ATP8A1: variants seen among roughly 807,000 people sequenced by gnomAD.
ATP8A1 encodes the protein phospholipid-transporting ATPase IA.
A neutral mutation model predicts 177.7 loss-of-function variants in ATP8A1; 90 were observed. The ratio of observed to expected loss-of-function variants is 0.51; its 90% CI spans 0.43 to 0.60. The LOEUF (loss-of-function observed/expected upper bound fraction) is 0.60, where lower values mean the gene tolerates loss of function less well. Among genes scored for constraint, ATP8A1 ranks in the 20% least tolerant of loss-of-function variants. The pLI is 0.00. For missense variants in ATP8A1, 1,072 were observed against 1,392.8 expected, an observed-to-expected ratio of 0.77 and a Z score of 3.67; for synonymous variants, 493 against 485.9, an observed-to-expected ratio of 1.01 and a Z score of -0.19.
chr4:42,615,700 G>T (rs1736836598), intron 5 of ATP8A1, among the ~76,000 whole-genome samples: 1 of 152,100 alleles, frequency 6.6e-6, no homozygotes, highest in Non-Finnish European at 1.5e-5. Context: ...ATCTTTTCTA[G>T]AATAACATCT....
chr4:42,490,496 C>G (rs1722635512), intron 24 of ATP8A1, among the ~76,000 whole-genome samples: 1 of 152,176 alleles, frequency 6.6e-6, no homozygotes, highest in Admixed American at 6.5e-5. Flanking sequence ...GCCCCTGTCA[C>G]TTCGGCAAAC....
chr4:42,431,501 G>GC (rs35687332), intron 33 of ATP8A1, among the ~76,000 whole-genome samples: 92,059 of 151,858 alleles, frequency 0.61, 28,115 homozygotes, highest in Middle Eastern at 0.72. Flanking sequence ...CACATAACTG[G>GC]TAAGGTTTCT....
At chr4:42,581,490 T>C in intron 10 of ATP8A1, 131 bp downstream of exon 10, 1 of 704,586 alleles carries the variant, frequency 1.4e-6, no homozygotes, top group Non-Finnish European at 2.5e-6. Context: ...TACCAGATTC[T>C]GAACATATAG....
At chr4:42,571,114 G>A (rs929456124) in intron 14 of ATP8A1, among the ~76,000 whole-genome samples, 1 of 152,142 alleles carries the variant, frequency 6.6e-6, no homozygotes, top group Admixed American at 6.5e-5. Context: ...ACAAGTCATG[G>A]TGAGCAGTAA....
chr4:42,502,226 C>T (rs1200458667), intron 24 of ATP8A1, among the ~76,000 whole-genome samples: 1 of 152,106 alleles, frequency 6.6e-6, no homozygotes, highest in Admixed American at 6.5e-5. Flanking sequence ...CTTGAGACTC[C>T]TACCAATGTT....
chr4:42,652,318 C>T (rs1161735479), intron 1 of ATP8A1, among the ~76,000 whole-genome samples: 1 of 152,078 alleles, frequency 6.6e-6, no homozygotes, highest in East Asian at 1.9e-4. Flanking sequence ...ATGCGAATCC[C>T]CAAGCCCACC....
At chr4:42,569,133 A>G (rs374479951) in intron 15 of ATP8A1, 28 bp downstream of exon 15, 7 of 1,560,014 alleles carry the variant, frequency 4.5e-6, no homozygotes, top group Non-Finnish European at 5.2e-6. Context: ...ATAGGGATCA[A>G]TGAGGCAGAA....
At chr4:42,583,377 A>G (rs1733303706) in intron 9 of ATP8A1, among the ~76,000 whole-genome samples, 1 of 152,210 alleles carries the variant, frequency 6.6e-6, no homozygotes, top group Admixed American at 6.5e-5. Context: ...GGTGCATTTC[A>G]GAGTTGAAAG....
rs78054239 is a variant in ATP8A1 at position 42,472,292 on chromosome 4, T to A, written c.2325-7216A>T. Reference sequence around the variant, plus strand: ...TTGGACAAAGCATAGGAGAACAACATGGAAAGCAAGGCTGAAACTTTTTCT... The same window carrying A: ...TTGGACAAAGCATAGGAGAACAACAAGGAAAGCAAGGCTGAAACTTTTTCT... On this transcript the variant is annotated intron_variant, in intron 25 of 36. Transcript: ENST00000381668. 2.2e-3 allele frequency: 1,187 copies of A among 531,540 alleles called. 13 individuals are homozygous for A. The highest frequency in any genetic ancestry group is 0.02 in the African/African-American group (1,020 of 51,988). 32.9% of individuals were successfully genotyped at this position (531,540 alleles called of 1,614,324 possible).
chr4:42,519,678 G>A (rs1255779207), intron 22 of ATP8A1, among the ~76,000 whole-genome samples: 1 of 152,158 alleles, frequency 6.6e-6, no homozygotes, highest in Non-Finnish European at 1.5e-5. Context: ...CCAGTTTCAG[G>A]AGTAGAGATG....
chr4:42,635,770 C>T (rs796813158), intron 1 of ATP8A1, among the ~76,000 whole-genome samples: 3,290 of 59,286 alleles, frequency 0.055, 219 homozygotes, highest in African/African-American at 0.17. Context: ...CACACACACA[C>T]ACACACACAC....
At chr4:42,427,182 G>T (rs562102629) in intron 33 of ATP8A1, among the ~76,000 whole-genome samples, 73 of 152,242 alleles carry the variant, frequency 4.8e-4, no homozygotes, top group South Asian at 1.2e-3. Flanking sequence ...TTAAAGAACT[G>T]ATTTACGAAA....
At chr4:42,477,487 CCT>C (rs1317366733) in intron 25 of ATP8A1, among the ~76,000 whole-genome samples, 1 of 152,144 alleles carries the variant, frequency 6.6e-6, no homozygotes, top group Non-Finnish European at 1.5e-5. Flanking sequence ...TACCCATCCC[CCT>C]CTCTTTCTCT....
intron 27 of ATP8A1, among the ~76,000 whole-genome samples, 188 bp downstream of exon 27, chr4:42,464,502 T>C (rs1231186048): frequency 1.3e-5 from 2 of 152,206 alleles, no homozygotes; most frequent in Non-Finnish European, 2.9e-5. Context: ...CGACCTCAAG[T>C]GATCCGCCTA....
intron 33 of ATP8A1, among the ~76,000 whole-genome samples, chr4:42,439,081 T>A (rs1716332453): frequency 6.6e-6 from 1 of 152,060 alleles, no homozygotes; most frequent in South Asian, 2.1e-4. Flanking sequence ...TGAATCTGCA[T>A]GAAGCTGAAT....
intron 19 of ATP8A1, among the ~76,000 whole-genome samples, chr4:42,545,050 C>T (rs1249410847): frequency 6.6e-6 from 1 of 151,440 alleles, no homozygotes; most frequent in African/African-American, 2.4e-5. Context: ...ATCCCAGCTA[C>T]TCAGGAGGCT....
At chr4:42,445,799 G>GC (rs1309204816) in intron 31 of ATP8A1, among the ~76,000 whole-genome samples, 4 of 152,138 alleles carry the variant, frequency 2.6e-5, no homozygotes, top group Non-Finnish European at 5.9e-5. Context: ...AGAGATATAG[G>GC]CCAGGTGTGG....
chr4:42,490,005 G>A (rs996760155), intron 24 of ATP8A1, among the ~76,000 whole-genome samples: 2 of 152,182 alleles, frequency 1.3e-5, no homozygotes, highest in Non-Finnish European at 2.9e-5. Context: ...GAGCATCAGA[G>A]ACATTGCAAG....
At chr4:42,515,620 A>T (rs1388545814) in intron 22 of ATP8A1, among the ~76,000 whole-genome samples, 4 of 152,306 alleles carry the variant, frequency 2.6e-5, no homozygotes, top group Admixed American at 2.0e-4. Flanking sequence ...TCACTACCTC[A>T]CTGTCCTATC....
Sources: gnomAD v4.1 joint callset for allele counts (sites outside exome capture counted in the v4.1 genomes callset) on GRCh38, gnomAD v4.1.1 for gene constraint, MANE v1.5 for transcripts, NCBI Gene and HGNC (gene_info 2026-07-23, HGNC 2026-07-21) for gene names.